SOX6: variants seen among roughly 807,000 people sequenced by gnomAD.
SOX6 encodes the protein transcription factor SOX-6.
Under a neutral mutation model 97.8 loss-of-function variants are expected in SOX6, and 11 were observed. The observed-to-expected ratio is 0.11, with a 90% confidence interval of 0.07 to 0.19. The LOEUF (loss-of-function observed/expected upper bound fraction) is 0.19, where lower values mean the gene tolerates loss of function less well. SOX6 is among the 10% of genes least tolerant of loss of function. SOX6 has a pLI of 1.00. For synonymous variants in SOX6, 360 were observed against 371.4 expected, an observed-to-expected ratio of 0.97 and a Z score of 0.35; for missense variants, 810 against 1,039.5, an observed-to-expected ratio of 0.78 and a Z score of 3.04.
At chr11:16,087,991 G>A (rs1328218596) in intron 9 of SOX6, among the ~76,000 whole-genome samples, 1 of 151,658 alleles carries the variant, frequency 6.6e-6, no homozygotes, top group Non-Finnish European at 1.5e-5. Flanking sequence ...TTGTGGGACA[G>A]GGTGGGGGGT....
At chr11:16,459,074 G>C (rs866151897) in intron 1 of SOX6, among the ~76,000 whole-genome samples, 5 of 152,008 alleles carry the variant, frequency 3.3e-5, no homozygotes, top group Non-Finnish European at 7.4e-5. Flanking sequence ...GTTAGGGAAA[G>C]ATACACTTAA....
chr11:16,229,537 A>C lies in SOX6; in HGVS notation c.535+5045T>G, dbSNP rs77938424. Among the ~76,000 whole-genome samples, 1,412 of 152,114 alleles carry C rather than the reference A, an allele frequency of 9.3e-3. 27 individuals are homozygous for C. The highest frequency in any genetic ancestry group is 0.032 in the African/African-American group (1,319 of 41,554). ...ATAAATAGAAAAACCACTAGCAAGT[A>C]AAATTGAAGAACAAAAAAGAGAAAA... On this transcript the variant is annotated intron_variant, in intron 4 of 15. Transcript: ENST00000683767.
chr11:16,501,107 C>A (rs1339708339), intron 4 of SOX6, among the ~76,000 whole-genome samples: 1 of 152,142 alleles, frequency 6.6e-6, no homozygotes, highest in African/African-American at 2.4e-5. Flanking sequence ...GGTACCAAAA[C>A]AGATATATAG....
At chr11:16,284,618 G>A (rs1385027141) in intron 3 of SOX6, among the ~76,000 whole-genome samples, 1 of 152,070 alleles carries the variant, frequency 6.6e-6, no homozygotes, top group Non-Finnish European at 1.5e-5. Flanking sequence ...AACAAACACG[G>A]TGCCCTTCCC....
At chr11:16,110,997 G>A (rs1849215821) in intron 7 of SOX6, among the ~76,000 whole-genome samples, 1 of 152,112 alleles carries the variant, frequency 6.6e-6, no homozygotes, top group Admixed American at 6.5e-5. Flanking sequence ...AGTAGAACAA[G>A]GTCACTACTT....
At chr11:16,088,421 T>C (rs937059916) in intron 9 of SOX6, among the ~76,000 whole-genome samples, 4 of 152,192 alleles carry the variant, frequency 2.6e-5, no homozygotes, top group Non-Finnish European at 5.9e-5. Flanking sequence ...TTTCACTACA[T>C]AATATTTCAC....
In SOX6 at chr11:16,412,943, C is replaced by G. The variant is rs984249978; in HGVS notation, c.-5+63372G>C. 2.6e-5 allele frequency among the ~76,000 whole-genome samples: 4 copies of G among 152,272 alleles called. No individual in the cohort carries two copies. The East Asian group carries it at 5.8e-4, about 22-fold the overall frequency. On this transcript the variant is annotated intron_variant, in intron 1 of 15. Transcript: ENST00000396356. ...GCCAGGAGTATGAAATGCCCACTCC[C>G]TATGACGTGGGAGGAAAAAGGCAGT... is the stretch of plus-strand genomic sequence containing the variant.
intron 4 of SOX6, among the ~76,000 whole-genome samples, chr11:16,488,268 C>G (rs1489107252): frequency 6.6e-6 from 1 of 152,064 alleles, no homozygotes; most frequent in African/African-American, 2.4e-5. Flanking sequence ...AAGGAGTTCA[C>G]AGCCTAGTAA....
intron 12 of SOX6, among the ~76,000 whole-genome samples, chr11:16,038,392 A>G (rs1308557263): frequency 6.6e-6 from 1 of 152,132 alleles, no homozygotes; most frequent in African/African-American, 2.4e-5. Flanking sequence ...TGCTCTTATC[A>G]ACAAACTTAA....
intron 2 of SOX6, among the ~76,000 whole-genome samples, chr11:16,718,942 G>T (rs1246213135): frequency 2.0e-5 from 3 of 148,240 alleles, no homozygotes; most frequent in African/African-American, 7.5e-5. Context: ...GACCAGCCTG[G>T]GCAACATGGC....
chr11:16,154,494 C>A (rs1216863640), intron 6 of SOX6, among the ~76,000 whole-genome samples: 1 of 152,058 alleles, frequency 6.6e-6, no homozygotes, highest in Non-Finnish European at 1.5e-5. Context: ...ATTGATGCTT[C>A]TTTCTGCTCT....
At chr11:16,205,730 T>C (rs1852054513) in intron 4 of SOX6, among the ~76,000 whole-genome samples, 1 of 152,132 alleles carries the variant, frequency 6.6e-6, no homozygotes, top group Non-Finnish European at 1.5e-5. Context: ...TTATAAGTTG[T>C]TTAATAAGAG....
chr11:16,424,472 A>T (rs1193720315), intron 1 of SOX6, among the ~76,000 whole-genome samples: 3 of 152,232 alleles, frequency 2.0e-5, no homozygotes, highest in African/African-American at 7.2e-5. Flanking sequence ...GTGGCAAAAT[A>T]GAAAATGGAT....
At chr11:16,173,656 T>A (rs1254327536) in intron 6 of SOX6, among the ~76,000 whole-genome samples, 1 of 150,518 alleles carries the variant, frequency 6.6e-6, no homozygotes, top group Non-Finnish European at 1.5e-5. Flanking sequence ...TACTAGTAAA[T>A]TTTTTATTTA....
intron 4 of SOX6, among the ~76,000 whole-genome samples, chr11:16,481,831 A>G (rs1860348493): frequency 6.6e-6 from 1 of 152,166 alleles, no homozygotes; most frequent in East Asian, 1.9e-4. Context: ...ACATTTATCA[A>G]TACTTACTAT....
At chr11:16,450,051 T>C (rs1342211754) in intron 1 of SOX6, among the ~76,000 whole-genome samples, 1 of 152,198 alleles carries the variant, frequency 6.6e-6, no homozygotes, top group Admixed American at 6.5e-5. Flanking sequence ...AGACTATCTA[T>C]TCCAGACAGC....
chr11:16,384,834 T>G (rs1857931280), intron 1 of SOX6, among the ~76,000 whole-genome samples: 1 of 152,040 alleles, frequency 6.6e-6, no homozygotes, highest in Non-Finnish European at 1.5e-5. Flanking sequence ...TTTTATTTCT[T>G]TCTGACCTGT....
chr11:16,663,156 T>C (rs948880025), intron 3 of SOX6, among the ~76,000 whole-genome samples: 1 of 151,904 alleles, frequency 6.6e-6, no homozygotes, highest in Admixed American at 6.6e-5. Flanking sequence ...AGTCAAATAT[T>C]GAAAAAAGAT....
chr11:16,161,067 G>A (rs970172231), intron 6 of SOX6, among the ~76,000 whole-genome samples: 4 of 151,976 alleles, frequency 2.6e-5, no homozygotes, highest in African/African-American at 9.7e-5. Context: ...AAAAAAAAGT[G>A]GGGGAGGGTG....
Sources: allele counts gnomAD v4.1 joint callset (sites outside exome capture counted in the v4.1 genomes callset), GRCh38; gene constraint gnomAD v4.1.1; transcripts MANE v1.5; gene names NCBI Gene and HGNC (gene_info 2026-07-23, HGNC 2026-07-21).